Variants in ACO2 observed in about 807,000 individuals in gnomAD.
ACO2 encodes aconitate hydratase, mitochondrial.
Under a neutral mutation model 84.5 loss-of-function variants are expected in ACO2, and 31 were observed. That is an observed-to-expected ratio of 0.37 (90% CI 0.28 to 0.50). ACO2 has a LOEUF of 0.50. Ranked by LOEUF, ACO2 falls within the 20% of genes least tolerant of loss-of-function variation. The pLI is 0.97. For missense variants in ACO2, 685 were observed against 1,029.3 expected, an observed-to-expected ratio of 0.67 and a Z score of 4.58; for synonymous variants, 414 against 412.7, an observed-to-expected ratio of 1.00 and a Z score of -0.04.
chr22:41,515,837 C>T lies in ACO2; in HGVS notation c.755C>T (p.Ala252Val). The change falls in exon 6 of 18, where the codon GCA becomes GTA. Residue 252 changes from alanine to valine, a missense_variant. This residue lies in a region of ACO2 where 311 missense variants were observed against 441.6 expected (regional missense o/e 0.70). Transcript: ENST00000216254. This position sits in a 1 kb window ranked among gnomAD's most constrained non-coding sequence, Gnocchi z 5.8. ...SSPKDVILKV[A>V]GILTVKGGTG... ...CCCAAAGATGTGATCCTGAAGGTGG[C>T]AGGCATCCTCACGGTGAAAGGTGGC... is the stretch of plus-strand genomic sequence containing the variant. The T allele has an allele frequency of 6.2e-7, 1 of 1,614,206 alleles. No individual in the cohort carries two copies. Among genetic ancestry groups the T allele is most frequent in the Non-Finnish European group, 8.5e-7 (1 of 1,180,030 alleles).
intron 4 of ACO2, among the ~76,000 whole-genome samples, chr22:41,513,598 T>C (rs2066453341): frequency 2.1e-5 from 2 of 95,730 alleles, no homozygotes; most frequent in Non-Finnish European, 4.1e-5. Flanking sequence ...CTCTGTGGGA[T>C]CTCTTCACAT....
intron 1 of ACO2, among the ~76,000 whole-genome samples, chr22:41,493,517 T>A (rs2066289629): frequency 6.6e-6 from 1 of 152,252 alleles, no homozygotes; most frequent in African/African-American, 2.4e-5. Context: ...TGGCAAAGAC[T>A]GAAAGTCTAG....
At chr22:41,489,158 T>A (rs2066254642) in intron 1 of ACO2, among the ~76,000 whole-genome samples, 1 of 152,088 alleles carries the variant, frequency 6.6e-6, no homozygotes, top group African/African-American at 2.4e-5. Flanking sequence ...TCCTTCCATC[T>A]CAGCATCTCA....
intron 2 of ACO2, among the ~76,000 whole-genome samples, chr22:41,505,427 C>CAATAATAATAAT (rs59945427): frequency 2.0e-4 from 30 of 148,780 alleles, no homozygotes; most frequent in African/African-American, 6.4e-4. Flanking sequence ...AAAATAATAA[C>CAATAATAATAAT]AATAATAATA....
At chr22:41,519,307 G>A (rs1033709225) in intron 8 of ACO2, among the ~76,000 whole-genome samples, 14 of 152,216 alleles carry the variant, frequency 9.2e-5, no homozygotes, top group African/African-American at 3.1e-4. Flanking sequence ...TGCCACTTAA[G>A]TTGTGTGGCC....
chr22:41,527,721 C>T lies in ACO2; in HGVS notation c.2087-180C>T, dbSNP rs1293879108. On this transcript the variant is annotated intron_variant, in intron 16 of 17. Coordinates refer to ENST00000216254, the MANE Select transcript of ACO2 (RefSeq NM_001098.3). ...AAGGCCTCGCAGACCTCAGCACCAG[C>T]GCACACTTGCTAGGGGCACCCCTAG... 10 of 1,002,420 alleles carry T rather than the reference C, an allele frequency of 1.0e-5. No individual in the cohort carries two copies. The Admixed American group carries it at 1.6e-4, about 16-fold the overall frequency. The allele number at this position is 1,002,420 out of a possible 1,614,324, so 62.1% of individuals were successfully genotyped here.
chr22:41,495,687 C>T (rs1238336857), intron 1 of ACO2, among the ~76,000 whole-genome samples: 1 of 148,518 alleles, frequency 6.7e-6, no homozygotes, highest in Non-Finnish European at 1.5e-5. Context: ...GTGATGTGAT[C>T]TCGGCTCACT....
At chr22:41,480,109 G>A (rs113029686) in intron 1 of ACO2, among the ~76,000 whole-genome samples, 5 of 152,340 alleles carry the variant, frequency 3.3e-5, no homozygotes, top group East Asian at 3.9e-4. Flanking sequence ...GCCAGGCATC[G>A]CCTACCAGGA....
intron 12 of ACO2, among the ~76,000 whole-genome samples, chr22:41,524,548 C>G (rs1016750083): frequency 6.6e-6 from 1 of 152,238 alleles, no homozygotes; most frequent in Non-Finnish European, 1.5e-5. Flanking sequence ...AGCATTTCTG[C>G]GCCAGGGCCC....
At chr22:41,525,376 C>T (rs978191381) in intron 14 of ACO2, 28 bp downstream of exon 14, 12 of 1,610,046 alleles carry the variant, frequency 7.5e-6, no homozygotes, top group Non-Finnish European at 1.0e-5. Flanking sequence ...GGCAGGACAG[C>T]CCCACCCTGC....
At chr22:41,527,812 G>A (rs2066634741) in intron 16 of ACO2, 89 bp from the exon 17 acceptor site, 1 of 1,596,286 alleles carries the variant, frequency 6.3e-7, no homozygotes, top group Non-Finnish European at 8.5e-7. Flanking sequence ...CAGGATTAGG[G>A]GCATCTCCCA....
chr22:41,528,629 G>A lies in ACO2; in HGVS notation c.*16G>A, dbSNP rs759770166. On this transcript the variant is annotated 3_prime_UTR_variant, in exon 18 of 18. Transcript: ENST00000216254. The stretch of plus-strand genomic sequence containing the variant: ...GCAACAGTGAGGGCAGTGCCTCCCC[G>A]CCCCGCCGCTGGCGTCAAGTTCAGC... The A allele has an allele frequency of 2.7e-5, 42 of 1,552,368 alleles. No individual in the cohort carries two copies. The highest frequency in any genetic ancestry group is 3.2e-5 in the Non-Finnish European group (37 of 1,152,452).
At chr22:41,510,038 G>T (rs1367566324) in intron 3 of ACO2, among the ~76,000 whole-genome samples, 1 of 152,072 alleles carries the variant, frequency 6.6e-6, no homozygotes, top group Non-Finnish European at 1.5e-5. Flanking sequence ...GTTTCACCAC[G>T]TTGGCCAGGC....
intron 1 of ACO2, among the ~76,000 whole-genome samples, chr22:41,483,508 T>C (rs1440658940): frequency 6.6e-6 from 1 of 151,864 alleles, no homozygotes; most frequent in East Asian, 1.9e-4. Context: ...AATACAAAAA[T>C]TAGCTGGGCG....
At position 41,527,308 on chromosome 22, in the gene ACO2, G is replaced by T. The variant is rs370388576; in HGVS notation, c.1974G>T (p.Val658=). 50 of 1,614,074 alleles carry T rather than the reference G, an allele frequency of 3.1e-5. 1 individual carries two copies. Among genetic ancestry groups the T allele is most frequent in the Non-Finnish European group, 4.1e-5 (48 of 1,180,032 alleles). The change falls in exon 16 of 18, where the codon GTG becomes GTT. Residue 658 remains valine (V), a synonymous_variant. Transcript: ENST00000216254. The part of the protein sequence containing the change: ...RYYKKHGIRW[V]VIGDENYGEG... ...GACAGAAACATGGCATCAGGTGGGT[G>T]GTGATCGGAGACGAGAACTACGGCG...
chr22:41,472,944 A>G (rs977279868), intron 1 of ACO2, among the ~76,000 whole-genome samples: 4 of 152,220 alleles, frequency 2.6e-5, no homozygotes, highest in African/African-American at 9.6e-5. Flanking sequence ...TCTTGCATAT[A>G]AATTTGTGAT....
At position 41,525,772 on chromosome 22, in the gene ACO2, G is replaced by A. The variant is rs896511366; in HGVS notation, c.1761+424G>A. 10 of 222,204 alleles carry A rather than the reference G, an allele frequency of 4.5e-5. No individual in the cohort carries two copies. The Admixed American group carries it at 4.7e-4, about 10-fold the overall frequency. The allele number at this position is 222,204 out of a possible 1,614,324, so 13.8% of individuals were successfully genotyped here. A position where few individuals can be genotyped will look rare whatever the true frequency, so the allele number is the denominator to read the frequency against. On this transcript the variant is annotated intron_variant, in intron 14 of 17. Transcript: ENST00000216254. The stretch of plus-strand genomic sequence containing the variant: ...GGCACCCGTGGATATGGGATGGCTT[G>A]TGTTTGGCACCGACCAAAAACAAGC...
chr22:41,488,329 G>A (rs768448059), intron 1 of ACO2, among the ~76,000 whole-genome samples: 7 of 152,142 alleles, frequency 4.6e-5, no homozygotes, highest in African/African-American at 1.7e-4. Flanking sequence ...TGAGCCTGCC[G>A]GTTGCCTCCT....
intron 2 of ACO2, among the ~76,000 whole-genome samples, chr22:41,506,354 G>T (rs957742806): frequency 2.6e-5 from 4 of 151,892 alleles, no homozygotes; most frequent in Non-Finnish European, 5.9e-5. Flanking sequence ...CCGGGTTCAC[G>T]CCATTCTCCT....
Sources: gnomAD v4.1 joint callset for allele counts (sites outside exome capture counted in the v4.1 genomes callset) on GRCh38, gnomAD v4.1.1 for gene constraint, gnomAD v4.1.1 regional missense constraint, Gnocchi (gnomAD v3.1) non-coding constraint, MANE v1.5 for transcripts, NCBI Gene and HGNC (gene_info 2026-07-23, HGNC 2026-07-21) for gene names.